MBD5: variants seen among roughly 807,000 people sequenced by gnomAD.
MBD5 encodes methyl-CpG binding domain protein 5, also known as methyl-CpG-binding domain protein 5.
MBD5 carries 13 observed loss-of-function variants against 117.3 expected under a neutral mutation model. The observed-to-expected ratio is 0.11, with a 90% CI of 0.07 to 0.18. The LOEUF is 0.18. MBD5 is among the 10% of genes least tolerant of loss of function. The pLI is 1.00. For synonymous variants in MBD5, 727 were observed against 766.4 expected, an observed-to-expected ratio of 0.95 and a Z score of 0.85; for missense variants, 1,879 against 2,093.8, an observed-to-expected ratio of 0.90 and a Z score of 2.00.
At chr2:148,450,768 G>A (rs1325491835) in intron 4 of MBD5, among the ~76,000 whole-genome samples, 3 of 152,148 alleles carry the variant, frequency 2.0e-5, no homozygotes, top group Admixed American at 2.0e-4. Context: ...ATCTCCTGAT[G>A]GAAGGAACTG....
At chr2:148,245,305 A>C (rs1202222439) in intron 3 of MBD5, among the ~76,000 whole-genome samples, 1 of 152,140 alleles carries the variant, frequency 6.6e-6, no homozygotes, top group Non-Finnish European at 1.5e-5. Flanking sequence ...AGCTCACTGC[A>C]ACCTCCGCCT....
intron 3 of MBD5, among the ~76,000 whole-genome samples, chr2:148,298,100 G>A (rs758138895): frequency 2.0e-5 from 3 of 152,176 alleles, no homozygotes; most frequent in Non-Finnish European, 4.4e-5. Context: ...GTGCCCTAAG[G>A]GTGAGCTGGG....
At position 148,512,854 on chromosome 2, in the gene MBD5, A is replaced by G. The variant is rs1682259036; in HGVS notation, c.5113-16A>G. 1 of 1,610,436 alleles carries G rather than the reference A, an allele frequency of 6.2e-7. No individual in the cohort carries two copies. The highest frequency in any genetic ancestry group is 1.3e-5 in the African/African-American group (1 of 74,694). ...CCTCTGTTGTTGTTGTTTTTTTTCT[A>G]CCTTTTTATTTCCAGGTACACCAAA... On this transcript the variant is annotated splice_polypyrimidine_tract_variant and intron_variant, in intron 13 of 13. Coordinates refer to ENST00000642680, the MANE Select transcript of MBD5 (RefSeq NM_001378120.1).
Position 148,052,962 on chromosome 2 carries a change from CA to C in MBD5, c.-925+31298del, listed in dbSNP as rs780207792. On this transcript the variant is annotated intron_variant, in intron 1 of 13. Transcript: ENST00000642680. The stretch of plus-strand genomic sequence containing the variant: ...GGGCGACAGACCCAAGAGTTCGTCT[CA>C]AAAAAAAAAAAAAAAAAAAGAGAGA... Among the ~76,000 whole-genome samples, 84 of 102,658 alleles carry C rather than the reference CA, an allele frequency of 8.2e-4. 1 individual carries two copies. The highest frequency in any genetic ancestry group is 9.8e-4 in the African/African-American group (25 of 25,458). The allele number at this position is 102,658 out of a possible 152,430, so 67.3% of individuals were successfully genotyped here.
intron 5 of MBD5, 97 bp from the exon 6 acceptor site, chr2:148,462,485 T>C (rs1392464183): frequency 1.1e-5 from 9 of 789,966 alleles, no homozygotes; most frequent in Non-Finnish European, 2.0e-5. Flanking sequence ...TGGGAAAATA[T>C]CCCATAAAGG....
chr2:148,485,424 T>C (rs928641518), intron 9 of MBD5: 45 of 288,512 alleles, frequency 1.6e-4, no homozygotes, highest in African/African-American at 9.9e-4. Context: ...TGCTCTAAAA[T>C]AGATCTAAAA....
At position 148,226,670 on chromosome 2, in the gene MBD5, T is replaced by A. The variant is rs1044951761; in HGVS notation, c.-830-6575T>A. Among the ~76,000 whole-genome samples, 3 of 152,260 alleles carry A rather than the reference T, an allele frequency of 2.0e-5. No homozygotes were observed. In the East Asian group the frequency reaches 5.8e-4, roughly 29 times the overall value. On this transcript the variant is annotated intron_variant, in intron 2 of 13. Coordinates refer to ENST00000642680, the MANE Select transcript of MBD5 (RefSeq NM_001378120.1). ...GTCAAATGGTATTTCTAGTTCTAGA[T>A]CCCTGAGGAATCGCCACACCGACTT... is the stretch of plus-strand genomic sequence containing the variant.
intron 1 of MBD5, among the ~76,000 whole-genome samples, chr2:148,075,059 G>A (rs1695471739): frequency 6.6e-6 from 1 of 152,076 alleles, no homozygotes; most frequent in African/African-American, 2.4e-5. Context: ...AAATATAGCA[G>A]CAGTAATAGA....
intron 1 of MBD5, among the ~76,000 whole-genome samples, chr2:148,097,366 C>T (rs1416635230): frequency 6.6e-6 from 1 of 152,142 alleles, no homozygotes; most frequent in Non-Finnish European, 1.5e-5. Flanking sequence ...CTTGCTAGAT[C>T]CTTGTAGTCT....
intron 2 of MBD5, among the ~76,000 whole-genome samples, chr2:148,232,404 G>A (rs1700009631): frequency 6.6e-6 from 1 of 152,176 alleles, no homozygotes; most frequent in Admixed American, 6.5e-5. Context: ...TTGCAGTGGT[G>A]AGGATTGGAA....
At chr2:148,476,160 C>G (rs990139257) in intron 8 of MBD5, among the ~76,000 whole-genome samples, 6 of 152,056 alleles carry the variant, frequency 3.9e-5, no homozygotes, top group Admixed American at 3.9e-4. Context: ...TAGAGCAGGG[C>G]TCCTGTGCTG....
At chr2:148,437,196 T>C (rs1706179849) in intron 4 of MBD5, among the ~76,000 whole-genome samples, 1 of 151,922 alleles carries the variant, frequency 6.6e-6, no homozygotes, top group Non-Finnish European at 1.5e-5. Flanking sequence ...TTAGCCAGGA[T>C]GGTCTCGATC....
At position 148,470,264 on chromosome 2, in the gene MBD5, C is replaced by T; in HGVS notation, c.2321C>T (p.Pro774Leu). 1.2e-6 allele frequency: 2 copies of T among 1,613,972 alleles called. No homozygotes were observed. Among genetic ancestry groups the T allele is most frequent in the Non-Finnish European group, 1.7e-6 (2 of 1,179,912 alleles). ...ACTAACTTTGTTCACAGTAACAGTC[C>T]AGTCCCCAACCACCATCTTGCAGGT... ...ANTNFVHSNS[P>L]VPNHHLAGLI... Residue 774 changes from proline (P) to leucine (L), a missense_variant, in exon 8 of 14, where the codon CCA becomes CTA. Around this residue, in one of 4 missense-constraint regions of MBD5, gnomAD observed 1,666 missense variants for 1,792.2 expected, o/e 0.93. Coordinates refer to ENST00000642680, the MANE Select transcript of MBD5 (RefSeq NM_001378120.1).
intron 3 of MBD5, among the ~76,000 whole-genome samples, chr2:148,250,213 A>AT (rs1700434509): frequency 6.6e-6 from 1 of 152,218 alleles, no homozygotes; most frequent in African/African-American, 2.4e-5. Flanking sequence ...ATGCAGGAAC[A>AT]GAAAACCAAA....
At chr2:148,054,254 T>C (rs897899260) in intron 1 of MBD5, 2 of 152,236 alleles carry the variant, frequency 1.3e-5, no homozygotes, top group African/African-American at 4.8e-5. Flanking sequence ...TTAGTTCATA[T>C]GTTCAAGAAT....
chr2:148,231,143 T>C (rs1244913859), intron 2 of MBD5, among the ~76,000 whole-genome samples: 2 of 151,628 alleles, frequency 1.3e-5, no homozygotes, highest in African/African-American at 4.8e-5. Context: ...GCAGTCCTTA[T>C]GGCCTAGCCT....
At chr2:148,467,666 T>G (rs1460386403) in intron 7 of MBD5, among the ~76,000 whole-genome samples, 1 of 152,128 alleles carries the variant, frequency 6.6e-6, no homozygotes, top group Non-Finnish European at 1.5e-5. Flanking sequence ...TAAGCATGGG[T>G]TAGTTTGCAA....
intron 12 of MBD5, among the ~76,000 whole-genome samples, chr2:148,509,584 A>G (rs1271999868): frequency 1.3e-5 from 2 of 152,040 alleles, no homozygotes; most frequent in East Asian, 3.9e-4. Context: ...CACTTGCTCA[A>G]CTCCAGAGCC....
At chr2:148,336,885 T>C (rs1240953228) in intron 3 of MBD5, among the ~76,000 whole-genome samples, 1 of 152,210 alleles carries the variant, frequency 6.6e-6, no homozygotes, top group African/African-American at 2.4e-5. Context: ...GGACTTCATA[T>C]ACTGGATCCA....
Sources: gnomAD v4.1 joint callset for allele counts (sites outside exome capture counted in the v4.1 genomes callset) on GRCh38, gnomAD v4.1.1 for gene constraint, gnomAD v4.1.1 regional missense constraint, MANE v1.5 for transcripts, NCBI Gene and HGNC (gene_info 2026-07-23, HGNC 2026-07-21) for gene names.